Variants in LRRC4C observed in about 807,000 individuals in gnomAD.
LRRC4C encodes the protein leucine rich repeat containing 4C.
LRRC4C carries 5 observed loss-of-function variants against 33.6 expected under a neutral mutation model. The ratio of observed to expected loss-of-function variants is 0.15; its 90% CI spans 0.08 to 0.31. The LOEUF is 0.31. Among genes scored for constraint, LRRC4C ranks in the 10% least tolerant of loss-of-function variants. LRRC4C has a pLI of 1.00. For missense variants in LRRC4C, 560 were observed against 796.7 expected, an observed-to-expected ratio of 0.70 and a Z score of 3.58; for synonymous variants, 329 against 302.0, an observed-to-expected ratio of 1.09 and a Z score of -0.93.
chr11:41,078,701 G>T (rs1190549988), intron 1 of LRRC4C, among the ~76,000 whole-genome samples: 2 of 152,086 alleles, frequency 1.3e-5, no homozygotes. Context: ...GACACATGGG[G>T]ATTACAATTT....
chr11:41,350,891 A>T (rs1432030284), intron 1 of LRRC4C, among the ~76,000 whole-genome samples: 1 of 152,198 alleles, frequency 6.6e-6, no homozygotes, highest in Non-Finnish European at 1.5e-5. Context: ...AGAAACTCAG[A>T]TCTGGAAGAC....
chr11:41,209,586 A>T (rs1410430742), intron 1 of LRRC4C, among the ~76,000 whole-genome samples: 1 of 151,530 alleles, frequency 6.6e-6, no homozygotes, highest in East Asian at 1.9e-4. Flanking sequence ...CTGAGGTTGC[A>T]GTGAGCTGAG....
chr11:40,360,480 T>C (rs548852647), intron 3 of LRRC4C, among the ~76,000 whole-genome samples: 22 of 152,268 alleles, frequency 1.4e-4, no homozygotes, highest in African/African-American at 4.8e-4. Context: ...AGGAAAAGTT[T>C]ACATTCTCAC....
intron 3 of LRRC4C, among the ~76,000 whole-genome samples, chr11:40,516,087 T>G (rs914181212): frequency 2.6e-5 from 4 of 152,068 alleles, no homozygotes; most frequent in African/African-American, 9.7e-5. Context: ...TTTTTCTTTT[T>G]AAATAATATT....
chr11:41,421,022 G>A (rs1954856155), intron 1 of LRRC4C, among the ~76,000 whole-genome samples: 1 of 151,922 alleles, frequency 6.6e-6, no homozygotes, highest in African/African-American at 2.4e-5. Context: ...ATATTTTAGA[G>A]TTCAAATCCT....
intron 2 of LRRC4C, among the ~76,000 whole-genome samples, chr11:40,865,511 GTATATA>G (rs68153820): frequency 1.4e-5 from 2 of 147,036 alleles, no homozygotes; most frequent in Admixed American, 6.9e-5. Context: ...TCCACAGTGT[GTATATA>G]TATATATATA....
intron 3 of LRRC4C, among the ~76,000 whole-genome samples, chr11:40,579,070 G>T (rs1958347014): frequency 6.6e-6 from 1 of 152,180 alleles, no homozygotes; most frequent in South Asian, 2.1e-4. Context: ...GGGCGATGTG[G>T]CTCATGCTTT....
intron 1 of LRRC4C, among the ~76,000 whole-genome samples, chr11:40,977,729 A>G (rs1258228459): frequency 6.6e-6 from 1 of 152,188 alleles, no homozygotes; most frequent in East Asian, 1.9e-4. Flanking sequence ...CAAGTGCCTC[A>G]AAACTTAAAA....
rs1555125485 is a variant in LRRC4C at position 40,633,325 on chromosome 11, T to TTTTCTTTCTTTC, written c.-270+14805_-270+14816dup. 2.0e-3 allele frequency among the ~76,000 whole-genome samples: 222 copies of TTTTCTTTCTTTC among 112,198 alleles called. 7 individuals are homozygous for TTTTCTTTCTTTC. Among genetic ancestry groups the TTTTCTTTCTTTC allele is most frequent in the South Asian group, 4.1e-3 (12 of 2,936 alleles). 73.6% of individuals were successfully genotyped at this position (112,198 alleles called of 152,430 possible). On this transcript the variant is annotated intron_variant, in intron 3 of 6. Transcript: ENST00000528697. ...AAATCTTAGCTCAGCCAAGTTTTCT[T>TTTTCTTTCTTTC]TTTCTTTCTTTCTTTCTTTCTTTCT...
intron 6 of LRRC4C, among the ~76,000 whole-genome samples, chr11:40,121,420 A>G (rs925559806): frequency 6.6e-6 from 1 of 152,166 alleles, no homozygotes; most frequent in Non-Finnish European, 1.5e-5. Context: ...CTATCAACAA[A>G]AGGTTTTTTA....
At chr11:40,591,652 T>A (rs1959065057) in intron 3 of LRRC4C, among the ~76,000 whole-genome samples, 1 of 152,246 alleles carries the variant, frequency 6.6e-6, no homozygotes, top group East Asian at 1.9e-4. Context: ...TAATTTTGTG[T>A]TCATTTTGTT....
chr11:40,950,015 C>A (rs1179121214), intron 1 of LRRC4C, among the ~76,000 whole-genome samples: 1 of 141,784 alleles, frequency 7.1e-6, no homozygotes, highest in African/African-American at 2.5e-5. Context: ...AAAATTTTCA[C>A]CTCTCAATTT....
chr11:40,591,803 T>G (rs777848735), intron 3 of LRRC4C, among the ~76,000 whole-genome samples: 11 of 152,146 alleles, frequency 7.2e-5, no homozygotes, highest in Non-Finnish European at 1.5e-4. Context: ...AATGCCTATA[T>G]TAAGGAAAAA....
chr11:41,308,321 C>T (rs1049879143), intron 1 of LRRC4C, among the ~76,000 whole-genome samples: 2 of 151,938 alleles, frequency 1.3e-5, no homozygotes, highest in Non-Finnish European at 2.9e-5. Context: ...TTTGCAACAG[C>T]GTGAGCACTA....
intron 1 of LRRC4C, among the ~76,000 whole-genome samples, chr11:41,104,261 A>G (rs1419775277): frequency 1.3e-5 from 2 of 151,962 alleles, no homozygotes; most frequent in African/African-American, 2.4e-5. Context: ...TAAGAAGTCA[A>G]CTAAAGTCAA....
intron 4 of LRRC4C, among the ~76,000 whole-genome samples, chr11:40,269,381 G>C (rs920088371): frequency 6.6e-6 from 1 of 152,058 alleles, no homozygotes; most frequent in African/African-American, 2.4e-5. Flanking sequence ...AGAATGAAGT[G>C]GGTATTATTA....
At chr11:40,401,635 A>C (rs946230447) in intron 3 of LRRC4C, among the ~76,000 whole-genome samples, 3 of 152,142 alleles carry the variant, frequency 2.0e-5, no homozygotes, top group African/African-American at 7.2e-5. Context: ...AAAGCAAGAC[A>C]GACAGTTCAT....
intron 1 of LRRC4C, among the ~76,000 whole-genome samples, chr11:41,341,745 C>T (rs887315092): frequency 6.6e-6 from 1 of 152,312 alleles, no homozygotes; most frequent in East Asian, 1.9e-4. Flanking sequence ...ATTTACTTTA[C>T]AGAAATCCAC....
chr11:40,636,936 G>GA (rs1941788468), intron 3 of LRRC4C, among the ~76,000 whole-genome samples: 1 of 152,156 alleles, frequency 6.6e-6, no homozygotes, highest in South Asian at 2.1e-4. Context: ...ATCTTCCTCT[G>GA]ATGGCCCTTC....
Sources: gnomAD v4.1 joint callset for allele counts (sites outside exome capture counted in the v4.1 genomes callset) on GRCh38, gnomAD v4.1.1 for gene constraint, MANE v1.5 for transcripts, NCBI Gene and HGNC (gene_info 2026-07-23, HGNC 2026-07-21) for gene names.